ACBD6: variants seen among roughly 807,000 people sequenced by gnomAD.
ACBD6 encodes acyl-CoA binding domain containing 6.
A neutral mutation model predicts 37.2 loss-of-function variants in ACBD6; 28 were observed. The ratio of observed to expected loss-of-function variants is 0.75; its 90% confidence interval spans 0.56 to 1.03. The LOEUF is 1.03. ACBD6 is among the 50% of genes least tolerant of loss of function. The probability of loss-of-function intolerance (pLI) is 0.00; values close to 1 mark genes in which losing one functional copy is unlikely to be tolerated. For missense variants in ACBD6, 340 were observed against 337.4 expected, an observed-to-expected ratio of 1.01 and a Z score of -0.06; for synonymous variants, 113 against 126.8, an observed-to-expected ratio of 0.89 and a Z score of 0.73.
At chr1:180,457,027 G>A (rs1025812532) in intron 3 of ACBD6, among the ~76,000 whole-genome samples, 4 of 152,028 alleles carry the variant, frequency 2.6e-5, no homozygotes, top group Non-Finnish European at 5.9e-5. Context: ...CCTAGAAACC[G>A]TAGAAAGACA....
chr1:180,477,492 G>C (rs568984631), intron 3 of ACBD6, among the ~76,000 whole-genome samples: 2 of 152,116 alleles, frequency 1.3e-5, no homozygotes, highest in East Asian at 3.9e-4. Context: ...TCTATATGGA[G>C]GTTAATAAAT....
At position 180,457,379 on chromosome 1, in the gene ACBD6, C is replaced by T. The variant is rs142905229; in HGVS notation, c.385-27117G>A. ...CTATGCTGGTAGGCTGAACTGTTCTCAATCTCTTTGTTGCAGACTGACCTA... is the reference window on the plus strand; with the variant it reads ...CTATGCTGGTAGGCTGAACTGTTCTTAATCTCTTTGTTGCAGACTGACCTA... On this transcript the variant is annotated intron_variant, in intron 3 of 7. Coordinates refer to ENST00000367595, the MANE Select transcript of ACBD6 (RefSeq NM_032360.4). Among the ~76,000 whole-genome samples the T allele has an allele frequency of 1.8e-3, 274 of 152,288 alleles. 1 individual carries two copies. Among genetic ancestry groups the T allele is most frequent in the African/African-American group, 6.3e-3 (263 of 41,554 alleles).
chr1:180,353,341 G>T (rs1652490740), intron 6 of ACBD6, among the ~76,000 whole-genome samples: 1 of 152,100 alleles, frequency 6.6e-6, no homozygotes, highest in Non-Finnish European at 1.5e-5. Flanking sequence ...TACTTCTTGA[G>T]AATTTCTTTT....
At chr1:180,480,630 C>G (rs1304788672) in intron 3 of ACBD6, among the ~76,000 whole-genome samples, 1 of 152,134 alleles carries the variant, frequency 6.6e-6, no homozygotes, top group African/African-American at 2.4e-5. Flanking sequence ...ACATGAAACT[C>G]AAAGCCAAAA....
At chr1:180,285,647 G>C (rs2794967), downstream of ACBD6, among the ~76,000 whole-genome samples, 17,886 of 152,050 alleles carry the variant, frequency 0.12, 1,616 homozygotes, top group African/African-American at 0.25. Context: ...AAGCTCAGCT[G>C]TGCTACAATC....
At position 180,471,723 on chromosome 1, in the gene ACBD6, C is replaced by T. The variant is rs1049963372; in HGVS notation, c.384+20546G>A. On this transcript the variant is annotated intron_variant, in intron 3 of 7. Transcript: ENST00000367595. ...CAATTACCTCCCCCTGGGTCCCTCC[C>T]ACAACACATGGGAATTCTGGGAGAT... Among the ~76,000 whole-genome samples, 37 of 152,256 alleles carry T rather than the reference C, an allele frequency of 2.4e-4. 1 individual carries two copies. The highest frequency in any genetic ancestry group is 7.9e-4 in the African/African-American group (33 of 41,546).
At chr1:180,312,356 T>C (rs1275111564) in intron 7 of ACBD6, among the ~76,000 whole-genome samples, 3 of 151,962 alleles carry the variant, frequency 2.0e-5, no homozygotes, top group Non-Finnish European at 2.9e-5. Context: ...ATGTTTTAAA[T>C]TTTTTTTAGC....
intron 3 of ACBD6, among the ~76,000 whole-genome samples, chr1:180,484,016 C>A (rs901987519): frequency 6.6e-6 from 1 of 152,146 alleles, no homozygotes; most frequent in Non-Finnish European, 1.5e-5. Context: ...AATAAAAACA[C>A]ATCTTTTTGT....
intron 6 of ACBD6, among the ~76,000 whole-genome samples, chr1:180,391,731 A>C (rs1654083688): frequency 1.3e-5 from 2 of 152,152 alleles, no homozygotes; most frequent in Admixed American, 6.5e-5. Flanking sequence ...AGCCTCTCTG[A>C]AAAACAACAA....
At chr1:180,478,495 T>C (rs867656922) in intron 3 of ACBD6, among the ~76,000 whole-genome samples, 1 of 151,148 alleles carries the variant, frequency 6.6e-6, no homozygotes, top group Non-Finnish European at 1.5e-5. Context: ...ATCTCTCTTT[T>C]TTTTTTTTTT....
At chr1:180,407,053 T>G (rs1647655268) in intron 5 of ACBD6, among the ~76,000 whole-genome samples, 1 of 151,432 alleles carries the variant, frequency 6.6e-6, no homozygotes, top group Admixed American at 6.6e-5. Context: ...TATTTTATTT[T>G]GGGATGTTAA....
At chr1:180,386,453 G>A (rs532520246) in intron 6 of ACBD6, among the ~76,000 whole-genome samples, 3 of 152,142 alleles carry the variant, frequency 2.0e-5, no homozygotes, top group Admixed American at 1.3e-4. Flanking sequence ...AAATCTATAG[G>A]TTTATGCCTT....
chr1:180,434,745 A>G, intron 3 of ACBD6: 1 of 570,542 alleles, frequency 1.8e-6, no homozygotes, highest in Non-Finnish European at 3.2e-6. Context: ...GAGTAAAACT[A>G]CCTCAACAGG....
chr1:180,325,226 T>G (rs1404796509), intron 6 of ACBD6, among the ~76,000 whole-genome samples: 5 of 152,186 alleles, frequency 3.3e-5, no homozygotes, highest in African/African-American at 4.8e-5. Context: ...GGCCAATAAC[T>G]CTTAGATTTG....
At chr1:180,379,002 T>A (rs1653545382) in intron 6 of ACBD6, among the ~76,000 whole-genome samples, 1 of 152,214 alleles carries the variant, frequency 6.6e-6, no homozygotes, top group African/African-American at 2.4e-5. Context: ...CCTGGAAGCC[T>A]ACAAGTCAGC....
At chr1:180,417,489 T>C (rs1362453881) in intron 4 of ACBD6, among the ~76,000 whole-genome samples, 5 of 152,192 alleles carry the variant, frequency 3.3e-5, no homozygotes, top group African/African-American at 1.2e-4. Flanking sequence ...TGATACACTT[T>C]CCCTGGCTCT....
intron 6 of ACBD6, among the ~76,000 whole-genome samples, chr1:180,376,300 C>T (rs1002095906): frequency 1.3e-5 from 2 of 152,180 alleles, no homozygotes; most frequent in Admixed American, 1.3e-4. Flanking sequence ...TATGCACCTA[C>T]CTTTTCACCC....
intron 5 of ACBD6, among the ~76,000 whole-genome samples, chr1:180,403,194 AAC>A (rs1241901183): frequency 1.3e-5 from 2 of 152,170 alleles, no homozygotes; most frequent in African/African-American, 4.8e-5. Flanking sequence ...ATTAAAAGAA[AAC>A]AGTGGCTGGG....
chr1:180,305,592 T>A (rs1430415394), intron 7 of ACBD6, among the ~76,000 whole-genome samples: 1 of 152,070 alleles, frequency 6.6e-6, no homozygotes, highest in African/African-American at 2.4e-5. Context: ...CATTAAAAAG[T>A]CAGGAAACAA....
Sources: gnomAD v4.1 joint callset for allele counts (sites outside exome capture counted in the v4.1 genomes callset) on GRCh38, gnomAD v4.1.1 for gene constraint, MANE v1.5 for transcripts, NCBI Gene and HGNC (gene_info 2026-07-23, HGNC 2026-07-21) for gene names.